The following PHF6 variants were observed in gnomAD, a reference collection of about 807,000 sequenced individuals.
PHF6 encodes the protein PHD finger protein 6.
PHF6 carries 7 observed loss-of-function variants against 34.0 expected under a neutral mutation model. The observed-to-expected ratio is 0.21, with a 90% CI of 0.12 to 0.39. The LOEUF is 0.39. Ranked by LOEUF, PHF6 falls within the 10% of genes least tolerant of loss-of-function variation. The probability of loss-of-function intolerance (pLI) is 1.00; values close to 1 mark genes in which losing one functional copy is unlikely to be tolerated. For missense variants in PHF6, 128 were observed against 262.8 expected, an observed-to-expected ratio of 0.49 and a Z score of 3.55; for synonymous variants, 89 against 88.4, an observed-to-expected ratio of 1.01 and a Z score of -0.04.
intron 9 of PHF6, chrX:134,417,580 C>T: frequency 4.1e-6 from 1 of 241,898 alleles, no homozygotes; most frequent in Middle Eastern, 1.4e-3. Flanking sequence ...ATACACTGGG[C>T]CGGGTGCGGT....
chrX:134,409,319 A>G (rs1165741202), intron 5 of PHF6, among the ~76,000 whole-genome samples: 2 of 111,261 alleles, frequency 1.8e-5, no homozygotes, highest in Non-Finnish European at 3.8e-5. Flanking sequence ...TTCAATTTTC[A>G]TGTGCACGTG....
rs1285371449 is a variant in PHF6, at chrX:134,426,935, C to T, written c.*1275C>T. 3 of 163,573 alleles carry T rather than the reference C, an allele frequency of 1.8e-5. No individual in the cohort carries two copies. The highest frequency in any genetic ancestry group is 8.2e-5 in the Admixed American group (1 of 12,248). The allele number at this position is 163,573 out of a possible 1,213,427, so 13.5% of individuals were successfully genotyped here. The stretch of plus-strand genomic sequence containing the variant: ...GACTAGTTGAATTATTAAGCCACCA[C>T]AATAAAGCAGATTTTTAAATAAGAA... On this transcript the variant is annotated 3_prime_UTR_variant, in exon 11 of 11. Coordinates refer to ENST00000370803, the MANE Select transcript of PHF6 (RefSeq NM_001015877.2).
At chrX:134,420,513 A>G (rs952166886) in intron 9 of PHF6, among the ~76,000 whole-genome samples, 1 of 109,295 alleles carries the variant, frequency 9.1e-6, no homozygotes, top group African/African-American at 3.3e-5. Context: ...GTAAAGGAAA[A>G]CCGCCTGCCA....
At chrX:134,384,601 G>A (rs1479318562) in intron 3 of PHF6, among the ~76,000 whole-genome samples, 8 of 107,869 alleles carry the variant, frequency 7.4e-5, no homozygotes, top group Non-Finnish European at 1.3e-4. Context: ...TATCAGTCAC[G>A]TCAATTCTAT....
At chrX:134,377,779 G>A in intron 2 of PHF6, 24 bp downstream of exon 2, 3 of 1,200,430 alleles carry the variant, frequency 2.5e-6, no homozygotes, top group Non-Finnish European at 3.4e-6. Context: ...CAGCAACAGA[G>A]ACCTTGAAAC....
At chrX:134,390,041 AATGAT>A (rs1325453011) in intron 3 of PHF6, among the ~76,000 whole-genome samples, 1 of 111,605 alleles carries the variant, frequency 9.0e-6, no homozygotes, top group Non-Finnish European at 1.9e-5. Context: ...AATGGAGTAA[AATGAT>A]AAGAGCCAAA....
intron 9 of PHF6, chrX:134,419,242 G>C (rs1033095870): frequency 1.8e-5 from 2 of 111,097 alleles, no homozygotes; most frequent in Admixed American, 9.7e-5. Flanking sequence ...GACTGTTCAG[G>C]CTGGGCACAG....
chrX:134,426,430 C>T lies in PHF6; in HGVS notation c.*770C>T, dbSNP rs1310841191. ...TTTTAAGATGTAAAGAAAGGGTTAC[C>T]GCTTGCTAAGGACTTCAGACACCAT... On this transcript the variant is annotated 3_prime_UTR_variant, in exon 11 of 11. Coordinates refer to ENST00000370803, the MANE Select transcript of PHF6 (RefSeq NM_001015877.2). 4 of 159,600 alleles carry T rather than the reference C, an allele frequency of 2.5e-5. No individual in the cohort carries two copies. Among genetic ancestry groups the T allele is most frequent in the Non-Finnish European group, 3.7e-5 (3 of 82,007 alleles). The allele number at this position is 159,600 out of a possible 1,213,427, so 13.2% of individuals were successfully genotyped here.
At chrX:134,375,465 A>AT (rs1159166596) in intron 1 of PHF6, among the ~76,000 whole-genome samples, 2 of 111,658 alleles carry the variant, frequency 1.8e-5, no homozygotes, top group Non-Finnish European at 3.8e-5. Flanking sequence ...TGGGGATGCC[A>AT]TTTCGGAATT....
Position 134,426,620 on chromosome X carries a change from T to C in PHF6, c.*960T>C, listed in dbSNP as rs1242479655. The C allele has an allele frequency of 1.9e-5, 3 of 158,795 alleles. No homozygotes were observed. Among genetic ancestry groups the C allele is most frequent in the Non-Finnish European group, 3.7e-5 (3 of 81,563 alleles). 13.1% of individuals were successfully genotyped at this position (158,795 alleles called of 1,213,427 possible). A position where few individuals can be genotyped will look rare whatever the true frequency, so the allele number is the denominator to read the frequency against. Reference sequence around the variant, plus strand: ...ACTATTTTAGAAACTTTATTTAATATTTTAATGTTTTCAGTCATTGCTTTG... The same window carrying C: ...ACTATTTTAGAAACTTTATTTAATACTTTAATGTTTTCAGTCATTGCTTTG... On this transcript the variant is annotated 3_prime_UTR_variant, in exon 11 of 11. Coordinates refer to ENST00000370803, the MANE Select transcript of PHF6 (RefSeq NM_001015877.2).
rs756698754 is a variant in PHF6 at position 134,384,842 on chromosome X, G to A, written c.240+6736G>A. 3.2e-3 allele frequency among the ~76,000 whole-genome samples: 355 copies of A among 110,375 alleles called. 4 individuals carry two copies. The highest frequency in any genetic ancestry group is 0.011 in the African/African-American group (338 of 30,385). ...AATTTTTTGTATTTTTAGTAGAGAC[G>A]CGGTTTCACCGTGTTAGCCAGGATG... On this transcript the variant is annotated intron_variant, in intron 3 of 10. Transcript: ENST00000370803.
Position 134,401,458 on chromosome X carries a change from TTAAG to T in PHF6, c.418+7508_418+7511del, listed in dbSNP as rs781638230. Reference sequence around the variant, plus strand: ...TTAGGGGGAGTGGGGGAGGACATAATTAAGTGACAGATATGTGACAAACATTAAA... The same window carrying T: ...TTAGGGGGAGTGGGGGAGGACATAATTGACAGATATGTGACAAACATTAAA... On this transcript the variant is annotated intron_variant, in intron 5 of 10. Coordinates refer to ENST00000370803, the MANE Select transcript of PHF6 (RefSeq NM_001015877.2). 1.8e-3 allele frequency among the ~76,000 whole-genome samples: 205 copies of T among 111,542 alleles called. 1 individual carries two copies. Among genetic ancestry groups the T allele is most frequent in the African/African-American group, 5.1e-3 (156 of 30,642 alleles).
chrX:134,419,768 T>C (rs965569202), intron 9 of PHF6: 4 of 111,767 alleles, frequency 3.6e-5, no homozygotes, highest in South Asian at 3.8e-4. Context: ...GTGATTCTTA[T>C]GTTCCCCTCT....
chrX:134,408,174 C>T (rs747740500), intron 5 of PHF6, among the ~76,000 whole-genome samples: 19 of 112,163 alleles, frequency 1.7e-4, no homozygotes, highest in South Asian at 3.7e-4. Context: ...ACAATCCACC[C>T]GCCTTGGCCT....
At chrX:134,407,076 T>G (rs2124239506) in intron 5 of PHF6, among the ~76,000 whole-genome samples, 1 of 112,291 alleles carries the variant, frequency 8.9e-6, no homozygotes, top group South Asian at 3.7e-4. Context: ...CACTGACATA[T>G]ATATTTGTCC....
At chrX:134,382,810 C>T (rs1184811280) in intron 3 of PHF6, among the ~76,000 whole-genome samples, 2 of 110,221 alleles carry the variant, frequency 1.8e-5, no homozygotes, top group Middle Eastern at 4.7e-3. Context: ...TCAGGTGATC[C>T]GCCTGCCTCT....
chrX:134,381,495 A>C (rs1445796469), intron 3 of PHF6, among the ~76,000 whole-genome samples: 2 of 95,765 alleles, frequency 2.1e-5, no homozygotes, highest in Non-Finnish European at 4.2e-5. Flanking sequence ...CCTAATTGAC[A>C]TTTTTTTTTT....
intron 5 of PHF6, among the ~76,000 whole-genome samples, chrX:134,404,278 A>T (rs1374414018): frequency 8.9e-6 from 1 of 112,144 alleles, no homozygotes; most frequent in African/African-American, 3.2e-5. Flanking sequence ...CTCACGGATT[A>T]CTTTGAGAGG....
At chrX:134,400,311 C>T (rs2077397806) in intron 5 of PHF6, among the ~76,000 whole-genome samples, 1 of 109,175 alleles carries the variant, frequency 9.2e-6, no homozygotes, top group South Asian at 4.0e-4. Flanking sequence ...GTCTCGAACT[C>T]CTGGGTTCAA....
Sources: allele counts gnomAD v4.1 joint callset (sites outside exome capture counted in the v4.1 genomes callset), GRCh38; gene constraint gnomAD v4.1.1; transcripts MANE v1.5; gene names NCBI Gene and HGNC (gene_info 2026-07-23, HGNC 2026-07-21).